The following CD1B variants were observed in gnomAD, a reference collection of about 807,000 sequenced individuals.
CD1B encodes the protein CD1b molecule.
Under a neutral mutation model 39.8 loss-of-function variants are expected in CD1B, and 43 were observed. The observed-to-expected ratio is 1.08, with a 90% CI of 0.85 to 1.39. CD1B has a LOEUF of 1.39. Ranked by LOEUF, CD1B falls within the 40% of genes most tolerant of loss-of-function variation. The pLI is 0.00. For missense variants in CD1B, 495 were observed against 403.8 expected (o/e 1.23, Z -1.94); for synonymous variants, 192 against 152.5 (o/e 1.26, Z -1.91).
At chr1:158,330,242 T>A (rs570547937) in intron 2 of CD1B, 112 bp from the exon 3 acceptor site, 5 of 957,744 alleles carry the variant, frequency 5.2e-6, no homozygotes, top group Non-Finnish European at 7.9e-6. Flanking sequence ...TGGTGTAAAA[T>A]GATGATGAGC....
the CD1B span, chr1:158,289,970 G>A: frequency 8.9e-7 from 1 of 1,120,198 alleles, no homozygotes; most frequent in Non-Finnish European, 1.3e-6. Context: ...ATTGTTGGTA[G>A]AAGGAAGTCA....
At chr1:158,321,531 G>T in the CD1B span, among the ~76,000 whole-genome samples, 207 of 152,234 alleles carry the variant, frequency 1.4e-3, 1 homozygote, top group African/African-American at 4.8e-3. Context: ...AGGTAAGGAG[G>T]TACTACTGAC....
the CD1B span, among the ~76,000 whole-genome samples, chr1:158,313,193 A>G: frequency 6.6e-6 from 1 of 152,200 alleles, no homozygotes; most frequent in Non-Finnish European, 1.5e-5. Flanking sequence ...CCCTGGAATG[A>G]ATGCCACTTG....
downstream of CD1B, among the ~76,000 whole-genome samples, chr1:158,326,036 C>T (rs1456458182): frequency 1.3e-5 from 2 of 152,152 alleles, no homozygotes; most frequent in Non-Finnish European, 2.9e-5. Context: ...GTGGCGCGAT[C>T]TCGGCTCACT....
the CD1B span, among the ~76,000 whole-genome samples, chr1:158,307,661 C>T: frequency 9.9e-5 from 15 of 152,176 alleles, no homozygotes; most frequent in East Asian, 3.9e-4. Context: ...ATATCCCTGA[C>T]GAACATCGAT....
At chr1:158,310,886 A>C in the CD1B span, among the ~76,000 whole-genome samples, 1 of 152,162 alleles carries the variant, frequency 6.6e-6, no homozygotes, top group Non-Finnish European at 1.5e-5. Flanking sequence ...TAGTTCAGCC[A>C]CTGTGAAGGG....
At chr1:158,305,599 C>T in the CD1B span, among the ~76,000 whole-genome samples, 1,879 of 152,156 alleles carry the variant, frequency 0.012, 38 homozygotes, top group African/African-American at 0.04. Flanking sequence ...AGATACTCCT[C>T]AAGAAGAGCA....
downstream of CD1B, among the ~76,000 whole-genome samples, chr1:158,323,108 C>T (rs777507879): frequency 2.0e-5 from 3 of 152,082 alleles, no homozygotes; most frequent in Non-Finnish European, 4.4e-5. Flanking sequence ...TCTGTACCCT[C>T]TTGAACTCCA....
chr1:158,318,666 T>G, the CD1B span, among the ~76,000 whole-genome samples: 1 of 152,174 alleles, frequency 6.6e-6, no homozygotes, highest in Non-Finnish European at 1.5e-5. Context: ...CATTTACATT[T>G]AAAGTTAATA....
chr1:158,290,171 A>T, the CD1B span: 3 of 1,565,082 alleles, frequency 1.9e-6, no homozygotes, highest in South Asian at 3.3e-5. Flanking sequence ...ATCTGGGTAG[A>T]GTGTGCTGGG....
the CD1B span, among the ~76,000 whole-genome samples, chr1:158,319,986 T>C: frequency 2.0e-5 from 3 of 152,152 alleles, no homozygotes; most frequent in Non-Finnish European, 4.4e-5. Flanking sequence ...GAGTCAGGGG[T>C]CAGGGACCCG....
At chr1:158,318,189 C>A in the CD1B span, among the ~76,000 whole-genome samples, 2 of 152,136 alleles carry the variant, frequency 1.3e-5, no homozygotes, top group East Asian at 3.8e-4. Context: ...CCGCTTGGGG[C>A]AGAGCTGAGT....
At chr1:158,323,006 C>T (rs992753862), downstream of CD1B, among the ~76,000 whole-genome samples, 3 of 152,050 alleles carry the variant, frequency 2.0e-5, no homozygotes, top group Admixed American at 6.6e-5. Flanking sequence ...GGCCTTTGAC[C>T]TTCCTTTACT....
At chr1:158,323,928 G>GT (rs1271676677), downstream of CD1B, among the ~76,000 whole-genome samples, 1 of 152,224 alleles carries the variant, frequency 6.6e-6, no homozygotes, top group African/African-American at 2.4e-5. Context: ...ACAAAGGCTG[G>GT]TGGTCCCACC....
In CD1B at chr1:158,328,932, A is replaced by G. The variant is rs1281420917; in HGVS notation, c.969T>C (p.Tyr323=). 1.9e-6 allele frequency: 3 copies of G among 1,611,064 alleles called. No individual in the cohort carries two copies. The highest frequency in any genetic ancestry group is 2.7e-5 in the African/African-American group (2 of 74,624). ...CACCCACAACTCACCGGCGCCTCAT[A>G]TACCATAATGCAAGGCATAGCAAAA... ...LLLLLCLALW[Y]MRRRSYQNIP Residue 323 remains tyrosine, a synonymous_variant, in exon 5 of 6, where the codon TAT becomes TAC. Transcript: ENST00000368168.
chr1:158,329,649 C>T lies in CD1B; in HGVS notation c.608-1G>A, dbSNP rs1181340012. ...CTGGACAGCCAGGCCTCAGGCTTCA[C>T]TAAGGCAGGAAGGAGAAAAAAAAGT... On this transcript the variant is annotated splice_acceptor_variant, in intron 3 of 5. Transcript: ENST00000368168. LOFTEE classifies it high-confidence loss of function. 1 of 1,613,052 alleles carries T rather than the reference C, an allele frequency of 6.2e-7. No homozygotes were observed. Among genetic ancestry groups the T allele is most frequent in the South Asian group, 1.1e-5 (1 of 91,030 alleles).
chr1:158,320,182 C>T, the CD1B span, among the ~76,000 whole-genome samples: 1 of 152,304 alleles, frequency 6.6e-6, no homozygotes, highest in Admixed American at 6.5e-5. Context: ...GTGGTGGGCT[C>T]CACCCAGTTC....
the CD1B span, among the ~76,000 whole-genome samples, chr1:158,301,246 T>G: frequency 6.6e-6 from 1 of 152,148 alleles, no homozygotes; most frequent in East Asian, 1.9e-4. Flanking sequence ...CTTTATCCAA[T>G]TTGTCAGTCT....
chr1:158,314,042 A>G, the CD1B span, among the ~76,000 whole-genome samples: 1 of 150,612 alleles, frequency 6.6e-6, no homozygotes, highest in East Asian at 1.9e-4. Context: ...TATTTTTTTG[A>G]CTCCTCTTTT....
Sources: gnomAD v4.1 joint callset for allele counts (sites outside exome capture counted in the v4.1 genomes callset) on GRCh38, gnomAD v4.1.1 for gene constraint, MANE v1.5 for transcripts, NCBI Gene and HGNC (gene_info 2026-07-23, HGNC 2026-07-21) for gene names.